TIMELESS: variants seen among roughly 807,000 people sequenced by gnomAD.
TIMELESS encodes protein timeless homolog.
Under a neutral mutation model 164.3 loss-of-function variants are expected in TIMELESS, and 124 were observed. That is an observed-to-expected ratio of 0.75 (90% CI 0.65 to 0.88). TIMELESS has a LOEUF of 0.88. Ranked by LOEUF, TIMELESS falls within the 40% of genes least tolerant of loss-of-function variation. The pLI is 0.00. For missense variants in TIMELESS, 1,422 were observed against 1,491.4 expected (o/e 0.95, Z 0.77); for synonymous variants, 564 against 563.4 (o/e 1.00, Z -0.02).
chr12:56,444,936 TC>T (rs1024512542), intron 1 of TIMELESS, among the ~76,000 whole-genome samples: 1 of 150,976 alleles, frequency 6.6e-6, no homozygotes, highest in African/African-American at 2.4e-5. Context: ...TTCTGGCCCC[TC>T]TGAGCTATTG....
In TIMELESS at chr12:56,430,126, G is replaced by A. The variant is rs539747191; in HGVS notation, c.1065C>T (p.Asn355=). The change falls in exon 10 of 29, where the codon AAC becomes AAT. Residue 355 remains asparagine (N), a synonymous_variant. Transcript: ENST00000553532. Reference sequence around the variant, plus strand: ...TCACCTTTACTGATCCCATGAGCCGGTTGTAACAGTTCTCCAGGAACTCAG... The same window carrying A: ...TCACCTTTACTGATCCCATGAGCCGATTGTAACAGTTCTCCAGGAACTCAG... ...FCSEFLENCY[N]RLMGSVKDHL... 9 of 1,613,426 alleles carry A rather than the reference G, an allele frequency of 5.6e-6. No individual in the cohort carries two copies. The East Asian group carries it at 1.8e-4, about 32-fold the overall frequency.
At chr12:56,418,435 A>G in intron 26 of TIMELESS, 76 bp from the exon 27 acceptor site, 1 of 1,053,362 alleles carries the variant, frequency 9.5e-7, no homozygotes, top group South Asian at 1.5e-5. Context: ...TTGAATATAT[A>G]TGACCCAATA....
rs941020359 is a variant in TIMELESS, at chr12:56,418,333, C to G, written c.3255G>C (p.Lys1085Asn). 1.2e-6 allele frequency: 2 copies of G among 1,611,812 alleles called. No homozygotes were observed. Among genetic ancestry groups the G allele is most frequent in the East Asian group, 2.2e-5 (1 of 44,852 alleles). ...CCCTCCGGAGCTGGGTAGGACTCAGCTTGGCTGGAATTCGCCAGAAGGTTT... is the reference window on the plus strand; with the variant it reads ...CCCTCCGGAGCTGGGTAGGACTCAGGTTGGCTGGAATTCGCCAGAAGGTTT... ...GQETFWRIPA[K>N]LSPTQLRRAA... The change falls in exon 27 of 29, where the codon AAG becomes AAC. Residue 1085 changes from lysine (K) to asparagine (N), a missense_variant. Physicochemically the swap from Lys to Asn is moderately conservative, Grantham distance 94. Coordinates refer to ENST00000553532, the MANE Select transcript of TIMELESS (RefSeq NM_003920.5).
At position 56,433,135 on chromosome 12, in the gene TIMELESS, GAA is replaced by G; in HGVS notation, c.430-10_430-9del. ...CTGCCGTTCCTCCCAGCCCTAACCA[GAA>G]GAGAGTAAGAGGAAGAGACTCCCTG... On this transcript the variant is annotated splice_polypyrimidine_tract_variant and intron_variant, in intron 5 of 28. Coordinates refer to ENST00000553532, the MANE Select transcript of TIMELESS (RefSeq NM_003920.5). 2 of 1,613,774 alleles carry G rather than the reference GAA, an allele frequency of 1.2e-6. No homozygotes were observed. Among genetic ancestry groups the G allele is most frequent in the Non-Finnish European group, 1.7e-6 (2 of 1,179,760 alleles).
chr12:56,420,521 G>A (rs1489361663), intron 26 of TIMELESS, 48 bp downstream of exon 26: 1 of 1,498,882 alleles, frequency 6.7e-7, no homozygotes, highest in Non-Finnish European at 9.3e-7. Context: ...GATGTATTTG[G>A]AAATAGGACT....
At chr12:56,420,244 G>A (rs978274308) in intron 26 of TIMELESS, among the ~76,000 whole-genome samples, 1 of 151,812 alleles carries the variant, frequency 6.6e-6, no homozygotes, top group Non-Finnish European at 1.5e-5. Flanking sequence ...AGCATCTATA[G>A]ATTTTGGTAT....
rs1440964073 is a variant in TIMELESS, at chr12:56,421,111, T to G, written c.2892A>C (p.Lys964Asn). 1 of 1,614,152 alleles carries G rather than the reference T, an allele frequency of 6.2e-7. No individual in the cohort carries two copies. Among genetic ancestry groups the G allele is most frequent in the Non-Finnish European group, 8.5e-7 (1 of 1,180,030 alleles). ...CTTCCAGATCTTCCTGGCAAAAATC[T>G]TTCAGGGACTCCGCTCCATTTGGCT... The part of the protein sequence containing the change: ...SILPNGAESL[K>N]DFCQEDLEEE... Residue 964 changes from lysine (K) to asparagine (N), a missense_variant, in exon 24 of 29, where the codon AAA becomes AAC. Coordinates refer to ENST00000553532, the MANE Select transcript of TIMELESS (RefSeq NM_003920.5).
In TIMELESS at chr12:56,428,931, T is replaced by C; in HGVS notation, c.1256A>G (p.Tyr419Cys). The C allele has an allele frequency of 3.7e-6, 6 of 1,613,942 alleles. No individual in the cohort carries two copies. Among genetic ancestry groups the C allele is most frequent in the East Asian group, 2.2e-5 (1 of 44,876 alleles). Residue 419 changes from tyrosine (Y) to cysteine (C), a missense_variant, in exon 11 of 29, where the codon TAT (tyrosine) becomes TGT (cysteine). Tyr to Cys is a radical substitution (Grantham distance 194). Transcript: ENST00000553532. The part of the protein sequence containing the change: ...HFIEQNLTNY[Y>C]EMMLTDRKEA... Reference sequence around the variant, plus strand: ...CTTGCGGTCAGTCAGCATCATCTCATAGTAGTTGGTGAGGTTCTGCTCAAT... The same window carrying C: ...CTTGCGGTCAGTCAGCATCATCTCACAGTAGTTGGTGAGGTTCTGCTCAAT...
intron 1 of TIMELESS, among the ~76,000 whole-genome samples, chr12:56,445,422 CAAAAAAAAAA>C (rs71081360): frequency 1.3e-3 from 24 of 18,742 alleles, no homozygotes; most frequent in Non-Finnish European, 2.6e-3. Context: ...AACTCCACGT[CAAAAAAAAAA>C]AAAAAAAAAA....
Position 56,422,955 on chromosome 12 carries a change from A to T in TIMELESS, c.2330T>A (p.Phe777Tyr), listed in dbSNP as rs777622129. The T allele has an allele frequency of 1.2e-6, 2 of 1,613,934 alleles. No individual in the cohort carries two copies. The highest frequency in any genetic ancestry group is 8.5e-7 in the Non-Finnish European group (1 of 1,179,982). The change falls in exon 19 of 29, where the codon TTT becomes TAT. Residue 777 changes from phenylalanine to tyrosine, a missense_variant. Phe to Tyr is a conservative substitution (Grantham distance 22). Transcript: ENST00000553532. ...TTGGTTGACTGCAGCCAGTGCAAAA[A>T]ATTTGCCCAGGATGTATTTGGCAAA... ...VTFAKYILGK[F>Y]FALAAVNQKA... is the part of the protein sequence containing the mutation.
At chr12:56,439,876 A>C (rs916483096) in intron 1 of TIMELESS, among the ~76,000 whole-genome samples, 1 of 152,240 alleles carries the variant, frequency 6.6e-6, no homozygotes. Context: ...AATAAATATG[A>C]CTTCATGAAA....
intron 26 of TIMELESS, among the ~76,000 whole-genome samples, chr12:56,420,029 A>AAAAAAAAAT (rs1555176447): frequency 1.4e-3 from 102 of 75,098 alleles, no homozygotes; most frequent in East Asian, 6.0e-3. Flanking sequence ...AAAAAAAAAA[A>AAAAAAAAAT]ATATATATAT....
In TIMELESS at chr12:56,423,598, C is replaced by T. The variant is rs1565680681; in HGVS notation, c.2076G>A (p.Leu692=). 3 of 1,614,118 alleles carry T rather than the reference C, an allele frequency of 1.9e-6. No individual in the cohort carries two copies. The highest frequency in any genetic ancestry group is 1.7e-6 in the Non-Finnish European group (2 of 1,180,016). Residue 692 remains leucine, a synonymous_variant, in exon 17 of 29, where the codon CTG becomes CTA. Transcript: ENST00000553532. ...VQVSEKEFNF[L]DYLKRFACST... is the part of the protein sequence containing the mutation. ...TCAGCCCGCACCGTTTCAGGTAGTC[C>T]AGAAAATTAAATTCTTTCTCCGACA...
chr12:56,441,943 G>T (rs1482870592), intron 1 of TIMELESS, among the ~76,000 whole-genome samples: 1 of 151,984 alleles, frequency 6.6e-6, no homozygotes, highest in Non-Finnish European at 1.5e-5. Context: ...AATTAGTCAG[G>T]TGTGGTGGCG....
chr12:56,420,006 C>CAAAAAAA (rs57647901), intron 26 of TIMELESS, among the ~76,000 whole-genome samples: 143 of 13,288 alleles, frequency 0.011, 38 homozygotes, highest in South Asian at 0.018. Flanking sequence ...GACTCTGTCT[C>CAAAAAAA]AAAAAAAAAA....
intron 1 of TIMELESS, among the ~76,000 whole-genome samples, chr12:56,443,960 G>A (rs996568511): frequency 8.6e-5 from 13 of 150,516 alleles, no homozygotes; most frequent in East Asian, 2.0e-4. Context: ...GTGCAGTGGC[G>A]TGATTTCGGC....
At chr12:56,419,459 A>AGTGTGT (rs10664617) in intron 26 of TIMELESS, among the ~76,000 whole-genome samples, 66,585 of 147,500 alleles carry the variant, frequency 0.45, 15,101 homozygotes, top group South Asian at 0.54. Flanking sequence ...AGACAGATGG[A>AGTGTGT]GTGTGTGTGT....
chr12:56,444,195 C>T (rs774044), intron 1 of TIMELESS, among the ~76,000 whole-genome samples: 10,152 of 152,184 alleles, frequency 0.067, 420 homozygotes, highest in Admixed American at 0.12. Flanking sequence ...CGTGCCCAGC[C>T]TCATTTCTGT....
intron 1 of TIMELESS, among the ~76,000 whole-genome samples, chr12:56,437,812 G>A (rs947235286): frequency 2.6e-5 from 4 of 152,054 alleles, no homozygotes; most frequent in Admixed American, 1.3e-4. Context: ...ACTCATCAAC[G>A]CTCATGCACA....
Sources: allele counts gnomAD v4.1 joint callset (sites outside exome capture counted in the v4.1 genomes callset), GRCh38; gene constraint gnomAD v4.1.1; transcripts MANE v1.5; gene names NCBI Gene and HGNC (gene_info 2026-07-23, HGNC 2026-07-21).